Variants in ABHD12 observed in about 807,000 individuals in gnomAD.
The protein encoded by ABHD12 is abhydrolase domain containing 12, lysophospholipase.
In ABHD12, 43 loss-of-function variants were observed where a neutral mutation model predicts 58.3. The ratio of observed to expected loss-of-function variants is 0.74; its 90% CI spans 0.58 to 0.95. The LOEUF is 0.95. Ranked by LOEUF, ABHD12 falls within the 40% of genes least tolerant of loss-of-function variation. The pLI is 0.00. For missense variants in ABHD12, 539 were observed against 537.2 expected (o/e 1.00, Z -0.03); for synonymous variants, 219 against 211.2 (o/e 1.04, Z -0.32).
intron 10 of ABHD12, 117 bp from the exon 11 acceptor site, chr20:25,303,745 G>A (rs2088683910): frequency 7.0e-7 from 1 of 1,422,304 alleles, no homozygotes; most frequent in Non-Finnish European, 9.6e-7. Context: ...CCTGATTTCT[G>A]CTGGATTTCT....
rs757944188 is a variant in ABHD12, at chr20:25,320,196, C to T, written c.542+3G>A. The stretch of plus-strand genomic sequence containing the variant: ...GCAAAGATGATGGGCTCCTCTCCCT[C>T]ACCTGGTACCTGCGTTCCCATGCAG... On this transcript the variant is annotated splice_donor_region_variant and intron_variant, in intron 4 of 12. Coordinates refer to ENST00000339157, the MANE Select transcript of ABHD12 (RefSeq NM_001042472.3). 8 of 1,613,786 alleles carry T rather than the reference C, an allele frequency of 5.0e-6. No individual in the cohort carries two copies. The East Asian group carries it at 1.8e-4, about 36-fold the overall frequency.
chr20:25,368,794 G>A (rs937639972), intron 1 of ABHD12: 21 of 709,524 alleles, frequency 3.0e-5, no homozygotes, highest in African/African-American at 1.4e-4. Context: ...TCCCAGCGGC[G>A]GTGGCATCTG....
intron 1 of ABHD12, among the ~76,000 whole-genome samples, chr20:25,388,780 AT>A (rs1372030724): frequency 4.7e-4 from 50 of 105,964 alleles, no homozygotes; most frequent in Middle Eastern, 0.011. Context: ...AAACAATTTG[AT>A]TTTTTCTTTT....
At chr20:25,347,860 T>C (rs1346281543) in intron 1 of ABHD12, among the ~76,000 whole-genome samples, 1 of 151,540 alleles carries the variant, frequency 6.6e-6, no homozygotes, top group African/African-American at 2.4e-5. Flanking sequence ...AAAAATGTTT[T>C]CATGTTTTTA....
chr20:25,325,042 C>T (rs1464110572), intron 2 of ABHD12, among the ~76,000 whole-genome samples: 4 of 151,616 alleles, frequency 2.6e-5, no homozygotes, highest in African/African-American at 9.7e-5. Context: ...CCCACCTCTA[C>T]AAAAAATATA....
At chr20:25,314,878 G>A (rs1450797659) in intron 6 of ABHD12, 47 bp downstream of exon 6, 1 of 1,606,132 alleles carries the variant, frequency 6.2e-7, no homozygotes, top group East Asian at 2.2e-5. Flanking sequence ...GATACCGCCA[G>A]CAAGCAGTGG....
intron 1 of ABHD12, among the ~76,000 whole-genome samples, chr20:25,371,207 C>T (rs1244300686): frequency 6.6e-6 from 1 of 152,144 alleles, no homozygotes; most frequent in African/African-American, 2.4e-5. Flanking sequence ...AAAAGGCCCC[C>T]AAGGAGTGTC....
At chr20:25,342,473 T>C (rs929409429) in intron 1 of ABHD12, among the ~76,000 whole-genome samples, 2 of 140,468 alleles carry the variant, frequency 1.4e-5, no homozygotes, top group African/African-American at 5.4e-5. Context: ...TTTTTTTTTT[T>C]ACAAATTCAA....
chr20:25,322,940 C>CTCAA (rs2089107377), intron 3 of ABHD12, among the ~76,000 whole-genome samples: 1 of 151,928 alleles, frequency 6.6e-6, no homozygotes, highest in Non-Finnish European at 1.5e-5. Context: ...CAAGGCTGGT[C>CTCAA]TCAAACTCCT....
chr20:25,347,134 A>G (rs563408994), intron 1 of ABHD12, among the ~76,000 whole-genome samples: 15 of 152,188 alleles, frequency 9.9e-5, no homozygotes, highest in Non-Finnish European at 1.9e-4. Context: ...CAGAACCAGA[A>G]AGAGAAAACT....
intron 2 of ABHD12, among the ~76,000 whole-genome samples, chr20:25,338,206 G>A (rs1160475701): frequency 1.3e-5 from 2 of 151,988 alleles, no homozygotes; most frequent in South Asian, 2.1e-4. Flanking sequence ...GTTCCTCTGC[G>A]GCCTCCTCCT....
At chr20:25,302,150 C>A in intron 12 of ABHD12, 69 bp downstream of exon 12, 1 of 1,606,672 alleles carries the variant, frequency 6.2e-7, no homozygotes, top group Non-Finnish European at 8.5e-7. Flanking sequence ...GCAGCTGCCA[C>A]CTGCTGCACG....
At chr20:25,351,077 C>T (rs1396252482) in intron 1 of ABHD12, among the ~76,000 whole-genome samples, 1 of 151,922 alleles carries the variant, frequency 6.6e-6, no homozygotes, top group African/African-American at 2.4e-5. Context: ...AGAGTATTGC[C>T]ATATGCATAA....
intron 4 of ABHD12, among the ~76,000 whole-genome samples, chr20:25,317,760 C>T (rs1013068384): frequency 6.6e-6 from 1 of 152,226 alleles, no homozygotes; most frequent in Non-Finnish European, 1.5e-5. Context: ...GGCACACACC[C>T]TCCCATTTGT....
chr20:25,312,145 CCT>C (rs1174168470), intron 6 of ABHD12, among the ~76,000 whole-genome samples: 1 of 151,980 alleles, frequency 6.6e-6, no homozygotes, highest in Non-Finnish European at 1.5e-5. Flanking sequence ...ATGGCGAAAC[CCT>C]CTCTTAAAAA....
At chr20:25,303,734 G>A in intron 10 of ABHD12, 106 bp from the exon 11 acceptor site, 1 of 1,482,588 alleles carries the variant, frequency 6.7e-7, no homozygotes. Flanking sequence ...TTGGGAAACA[G>A]CCTGATTTCT....
In ABHD12 at chr20:25,362,445, T is replaced by C. The variant is rs187318594; in HGVS notation, c.192-23094A>G. On this transcript the variant is annotated intron_variant, in intron 1 of 12. Coordinates refer to ENST00000339157, the MANE Select transcript of ABHD12 (RefSeq NM_001042472.3). Reference sequence around the variant, plus strand: ...AGCCGGGCGTGGTGGCGGGTGCCTATAATCCTATCTACTCGGGAGGCTGAG... The same window carrying C: ...AGCCGGGCGTGGTGGCGGGTGCCTACAATCCTATCTACTCGGGAGGCTGAG... Among the ~76,000 whole-genome samples the C allele has an allele frequency of 3.0e-3, 448 of 151,712 alleles. 1 individual carries two copies. Among genetic ancestry groups the C allele is most frequent in the Middle Eastern group, 6.8e-3 (2 of 294 alleles).
At chr20:25,305,327 CA>C (rs1213989024) in intron 10 of ABHD12, among the ~76,000 whole-genome samples, 1 of 151,162 alleles carries the variant, frequency 6.6e-6, no homozygotes, top group Non-Finnish European at 1.5e-5. Context: ...TATTCTGTTT[CA>C]AATTAAATTA....
intron 6 of ABHD12, among the ~76,000 whole-genome samples, 174 bp from the exon 7 acceptor site, chr20:25,309,749 G>T (rs1422160404): frequency 6.6e-6 from 1 of 152,220 alleles, no homozygotes. Context: ...GCAGTGGGGA[G>T]AACGGGCACA....
Sources: allele counts gnomAD v4.1 joint callset (sites outside exome capture counted in the v4.1 genomes callset), GRCh38; gene constraint gnomAD v4.1.1; transcripts MANE v1.5; gene names NCBI Gene and HGNC (gene_info 2026-07-23, HGNC 2026-07-21).